NCKAP5: variants seen among roughly 807,000 people sequenced by gnomAD.
The protein encoded by NCKAP5 is NCK associated protein 5, also known as nck-associated protein 5.
NCKAP5 carries 92 observed loss-of-function variants against 167.0 expected under a neutral mutation model. The ratio of observed to expected loss-of-function variants is 0.55; its 90% confidence interval spans 0.47 to 0.66. NCKAP5 has a LOEUF of 0.66. NCKAP5 is among the 30% of genes least tolerant of loss of function. The pLI, the probability that NCKAP5 is intolerant of heterozygous loss-of-function variation, is 0.00. For synonymous variants in NCKAP5, 891 were observed against 877.4 expected (o/e 1.02, Z -0.27); for missense variants, 2,378 against 2,315.0 (o/e 1.03, Z -0.56).
At chr2:132,788,174 C>T (rs1246774433) in intron 13 of NCKAP5, among the ~76,000 whole-genome samples, 2 of 152,188 alleles carry the variant, frequency 1.3e-5, no homozygotes, top group Admixed American at 6.5e-5. Flanking sequence ...GAGGAGCTGG[C>T]ATTTCTCACA....
intron 16 of NCKAP5, among the ~76,000 whole-genome samples, chr2:132,740,320 T>C (rs1441841514): frequency 2.6e-5 from 4 of 152,190 alleles, no homozygotes; most frequent in Non-Finnish European, 5.9e-5. Context: ...TAAGTCTTTG[T>C]AGAAGGTCTC....
upstream of NCKAP5, among the ~76,000 whole-genome samples, chr2:133,571,483 G>A (rs914028568): frequency 6.6e-6 from 1 of 152,176 alleles, no homozygotes. Context: ...CCGCCTGCTA[G>A]TCCTGCGCTC....
At chr2:133,158,107 C>T (rs916830039) in intron 5 of NCKAP5, among the ~76,000 whole-genome samples, 1 of 152,176 alleles carries the variant, frequency 6.6e-6, no homozygotes, top group Non-Finnish European at 1.5e-5. Context: ...AAACAAAAAT[C>T]GGACACTTGT....
At chr2:133,124,089 T>G (rs998516694) in intron 6 of NCKAP5, among the ~76,000 whole-genome samples, 1 of 152,150 alleles carries the variant, frequency 6.6e-6, no homozygotes, top group Non-Finnish European at 1.5e-5. Context: ...CAATCAACTG[T>G]GATAGGAGAA....
chr2:132,891,168 G>A (rs555601800), intron 8 of NCKAP5, among the ~76,000 whole-genome samples: 2 of 152,270 alleles, frequency 1.3e-5, no homozygotes, highest in South Asian at 2.1e-4. Context: ...GAATTTAAAC[G>A]TTTGGATGGG....
chr2:132,890,957 T>A (rs1351426976), intron 8 of NCKAP5, among the ~76,000 whole-genome samples: 1 of 152,208 alleles, frequency 6.6e-6, no homozygotes, highest in Non-Finnish European at 1.5e-5. Flanking sequence ...ATCCTCACAA[T>A]GTCCTTATTC....
intron 5 of NCKAP5, among the ~76,000 whole-genome samples, chr2:133,199,053 A>T (rs770550449): frequency 1.1e-4 from 17 of 152,214 alleles, no homozygotes; most frequent in Non-Finnish European, 2.4e-4. Flanking sequence ...GGATATCTAC[A>T]TTTAAAAAAA....
At chr2:133,124,615 A>G (rs2082345300) in intron 6 of NCKAP5, among the ~76,000 whole-genome samples, 1 of 152,216 alleles carries the variant, frequency 6.6e-6, no homozygotes, top group African/African-American at 2.4e-5. Context: ...CTCTTTATTT[A>G]CAGCTAAGCT....
chr2:133,615,278 G>C, the NCKAP5 span, among the ~76,000 whole-genome samples: 1 of 151,428 alleles, frequency 6.6e-6, no homozygotes, highest in African/African-American at 2.4e-5. Context: ...CATAATGACA[G>C]GATCAAATTC....
chr2:133,608,305 T>C, the NCKAP5 span, among the ~76,000 whole-genome samples: 1 of 152,310 alleles, frequency 6.6e-6, no homozygotes, highest in Non-Finnish European at 1.5e-5. Context: ...TCATTCTGCT[T>C]AAGTCCTGTA....
At chr2:133,556,230 A>T (rs1013635047) in intron 2 of NCKAP5, among the ~76,000 whole-genome samples, 8 of 152,238 alleles carry the variant, frequency 5.3e-5, no homozygotes, top group Non-Finnish European at 7.3e-5. Flanking sequence ...CTTTATACTT[A>T]GGTGCAATTA....
intron 6 of NCKAP5, among the ~76,000 whole-genome samples, chr2:132,996,592 T>C (rs1190321176): frequency 6.6e-6 from 1 of 152,190 alleles, no homozygotes; most frequent in East Asian, 1.9e-4. Context: ...ATTTACTCTA[T>C]CACTTAAAAA....
chr2:133,519,921 C>T (rs2104765167), intron 2 of NCKAP5, among the ~76,000 whole-genome samples: 1 of 152,288 alleles, frequency 6.6e-6, no homozygotes. Context: ...GGCACGGTGG[C>T]TCACACCTGT....
chr2:133,394,522 C>G (rs1245435848), intron 3 of NCKAP5, among the ~76,000 whole-genome samples: 1 of 152,212 alleles, frequency 6.6e-6, no homozygotes, highest in Non-Finnish European at 1.5e-5. Context: ...GTAAGGTTTT[C>G]TGGATTAAAG....
At chr2:133,213,036 C>T (rs1275367613) in intron 5 of NCKAP5, among the ~76,000 whole-genome samples, 1 of 152,126 alleles carries the variant, frequency 6.6e-6, no homozygotes, top group Non-Finnish European at 1.5e-5. Flanking sequence ...AAATCTGGTG[C>T]TGTATTTTCG....
At chr2:132,959,597 C>G (rs1000335347) in intron 8 of NCKAP5, among the ~76,000 whole-genome samples, 2 of 152,170 alleles carry the variant, frequency 1.3e-5, no homozygotes, top group African/African-American at 4.8e-5. Context: ...CAAATCATGT[C>G]TTTCAAGGAA....
intron 7 of NCKAP5, among the ~76,000 whole-genome samples, chr2:132,990,725 T>C (rs2077425668): frequency 6.6e-6 from 1 of 152,314 alleles, no homozygotes; most frequent in African/African-American, 2.4e-5. Flanking sequence ...AGCTAAGGAA[T>C]GCTAGATTCT....
chr2:133,405,047 C>A (rs1688336268), intron 3 of NCKAP5, among the ~76,000 whole-genome samples: 1 of 152,194 alleles, frequency 6.6e-6, no homozygotes, highest in African/African-American at 2.4e-5. Flanking sequence ...CTGGCCCCTC[C>A]TATAGGGTTA....
At chr2:133,503,970 C>G (rs1468942407) in intron 3 of NCKAP5, among the ~76,000 whole-genome samples, 5 of 152,100 alleles carry the variant, frequency 3.3e-5, no homozygotes, top group Non-Finnish European at 7.3e-5. Flanking sequence ...TAGAAACTCC[C>G]TCTGGGCACA....
Sources: gnomAD v4.1 joint callset for allele counts (sites outside exome capture counted in the v4.1 genomes callset) on GRCh38, gnomAD v4.1.1 for gene constraint, MANE v1.5 for transcripts, NCBI Gene and HGNC (gene_info 2026-07-23, HGNC 2026-07-21) for gene names.